CEP250: variants seen among roughly 807,000 people sequenced by gnomAD.
CEP250 encodes the protein centrosome-associated protein CEP250.
CEP250 carries 242 observed loss-of-function variants against 315.7 expected under a neutral mutation model. That is an observed-to-expected ratio of 0.77 (90% confidence interval 0.69 to 0.85). The LOEUF is 0.85. Among genes scored for constraint, CEP250 ranks in the 40% least tolerant of loss-of-function variants. The pLI is 0.00. For missense variants in CEP250, 2,515 were observed against 2,886.4 expected, an observed-to-expected ratio of 0.87 and a Z score of 2.95; for synonymous variants, 1,088 against 1,175.0, an observed-to-expected ratio of 0.93 and a Z score of 1.51.
In CEP250 at chr20:35,504,964, G is replaced by A. The variant is rs1239312298; in HGVS notation, c.6595G>A (p.Ala2199Thr). 1.2e-6 allele frequency: 2 copies of A among 1,613,570 alleles called. No individual in the cohort carries two copies. The highest frequency in any genetic ancestry group is 1.7e-6 in the Non-Finnish European group (2 of 1,179,696). ...SLQEVAMFLQ[A>T]SVLERDSEQQ... ...GCAGGAGGTAGCCATGTTCCTACAA[G>A]CCTCTGTCCTGGAGCGGGACTCAGA... is the stretch of plus-strand genomic sequence containing the variant. Residue 2199 changes from alanine to threonine, a missense_variant, in exon 30 of 35, where the codon GCC becomes ACC. Transcript: ENST00000397527.
chr20:35,469,658 G>A lies in CEP250; in HGVS notation c.852-232G>A, dbSNP rs1406089120. On this transcript the variant is annotated intron_variant, in intron 9 of 34. Coordinates refer to ENST00000397527, the MANE Select transcript of CEP250 (RefSeq NM_007186.6). The stretch of plus-strand genomic sequence containing the variant: ...GCCCCCAAACACGTGTTCCAGCCTT[G>A]AGATGTGGTAAATCCCTGCATGTGT... 2.0e-5 allele frequency among the ~76,000 whole-genome samples: 3 copies of A among 152,204 alleles called. No homozygotes were observed. In the South Asian group the frequency reaches 6.2e-4, roughly 32 times the overall value.
At chr20:35,499,693 CT>C (rs2063946575) in intron 27 of CEP250, among the ~76,000 whole-genome samples, 2 of 152,180 alleles carry the variant, frequency 1.3e-5, no homozygotes, top group African/African-American at 4.8e-5. Context: ...GCAATTCATC[CT>C]GATTTGGGAA....
At position 35,483,347 on chromosome 20, in the gene CEP250, A is replaced by T. The variant is rs866084536; in HGVS notation, c.2586+3202A>T. 2.8e-3 allele frequency among the ~76,000 whole-genome samples: 413 copies of T among 144,998 alleles called. 4 individuals are homozygous for T. The highest frequency in any genetic ancestry group is 9.9e-3 in the African/African-American group (366 of 36,874). ...AAAAAAAAAAAAAATTTTTTTTTTTAAATTTATTTTATTTTATTTTTTAGA... is the reference window on the plus strand; with the variant it reads ...AAAAAAAAAAAAAATTTTTTTTTTTTAATTTATTTTATTTTATTTTTTAGA... On this transcript the variant is annotated intron_variant, in intron 20 of 34. Coordinates refer to ENST00000397527, the MANE Select transcript of CEP250 (RefSeq NM_007186.6).
In CEP250 at chr20:35,465,128, T is replaced by G. The variant is rs1403454583; in HGVS notation, c.244-615T>G. On this transcript the variant is annotated intron_variant, in intron 5 of 34. Transcript: ENST00000397527. ...GACACTGTAGCTCCAAGAAGTTAAGTGACTTCACAGGCTGGGTGTGGTGGC... is the reference window on the plus strand; with the variant it reads ...GACACTGTAGCTCCAAGAAGTTAAGGGACTTCACAGGCTGGGTGTGGTGGC... Among the ~76,000 whole-genome samples, 3 of 151,878 alleles carry G rather than the reference T, an allele frequency of 2.0e-5. No homozygotes were observed. In the South Asian group the frequency reaches 6.2e-4, roughly 32 times the overall value.
chr20:35,490,666 G>T lies in CEP250; in HGVS notation c.2616G>T (p.Glu872Asp). 1 of 1,613,732 alleles carries T rather than the reference G, an allele frequency of 6.2e-7. No homozygotes were observed. Among genetic ancestry groups the T allele is most frequent in the Non-Finnish European group, 8.5e-7 (1 of 1,179,934 alleles). The change falls in exon 21 of 35, where the codon GAG (glutamate) becomes GAT (aspartate). Residue 872 changes from glutamate (E) to aspartate (D), a missense_variant. Glu to Asp is a conservative substitution (Grantham distance 45). Coordinates refer to ENST00000397527, the MANE Select transcript of CEP250 (RefSeq NM_007186.6). ...AGGAGCGCTCCTGGCACCAGCAGGA[G>T]CTGGCAAAGGCTCTGGAGAGCTTAG... ...WEKERSWHQQ[E>D]LAKALESLER...
At chr20:35,465,584 T>C (rs1403800463) in intron 5 of CEP250, among the ~76,000 whole-genome samples, 159 bp from the exon 6 acceptor site, 1 of 152,138 alleles carries the variant, frequency 6.6e-6, no homozygotes, top group Non-Finnish European at 1.5e-5. Context: ...CAGTTTACTT[T>C]TGGAGTGAGG....
chr20:35,493,350 C>T (rs2063749165), intron 22 of CEP250, 79 bp from the exon 23 acceptor site: 1 of 1,345,930 alleles, frequency 7.4e-7, no homozygotes, highest in Non-Finnish European at 9.9e-7. Context: ...CCTGCCTCAG[C>T]TTTTGCCACC....
intron 14 of CEP250, 60 bp downstream of exon 14, chr20:35,474,112 C>G: frequency 7.6e-7 from 1 of 1,320,470 alleles, no homozygotes; most frequent in South Asian, 1.5e-5. Context: ...CTACACCCTC[C>G]CCGTCTACTC....
chr20:35,502,842 T>C lies in CEP250; in HGVS notation c.4473T>C (p.His1491=), dbSNP rs1387072637. ...ELEKCRSVLE[H]LPMAVQEREQ... ...AGAAGTGTAGGTCTGTTTTAGAGCA[T>C]CTGCCCATGGCCGTCCAGGAGCGAG... The change falls in exon 30 of 35, where the codon CAT becomes CAC. Residue 1491 remains histidine (H), a synonymous_variant. Transcript: ENST00000397527. 3 of 1,613,736 alleles carry C rather than the reference T, an allele frequency of 1.9e-6. No individual in the cohort carries two copies. In the African/African-American group the frequency reaches 4.0e-5, roughly 22 times the overall value.
intron 14 of CEP250, chr20:35,474,682 A>G: frequency 2.3e-6 from 1 of 431,424 alleles, no homozygotes; most frequent in Non-Finnish European, 4.8e-6. Flanking sequence ...ATTCCCCTAT[A>G]TGATGTCACA....
chr20:35,474,346 T>C (rs1321444125), intron 14 of CEP250, among the ~76,000 whole-genome samples: 3 of 152,172 alleles, frequency 2.0e-5, no homozygotes, highest in Admixed American at 2.0e-4. Context: ...CACTGTGACA[T>C]GAGGCTGGAT....
chr20:35,504,559 T>C lies in CEP250; in HGVS notation c.6190T>C (p.Ser2064Pro), dbSNP rs1199802820. 6.2e-7 allele frequency: 1 copy of C among 1,613,846 alleles called. No individual in the cohort carries two copies. Among genetic ancestry groups the C allele is most frequent in the Non-Finnish European group, 8.5e-7 (1 of 1,179,904 alleles). ...QQEREQLLEK[S>P]LAQRVQENMI... ...GGAACGGGAGCAGCTGCTGGAGAAG[T>C]CTCTGGCCCAGAGGGTCCAAGAGAA... is the stretch of plus-strand genomic sequence containing the variant. The change falls in exon 30 of 35, where the codon TCT (serine) becomes CCT (proline). Residue 2064 changes from serine (S) to proline (P), a missense_variant. Ser to Pro is a moderately conservative substitution (Grantham distance 74). Transcript: ENST00000397527.
rs779776500 is a variant in CEP250, at chr20:35,477,894, G to A, written c.1887G>A (p.Val629=). The A allele has an allele frequency of 6.3e-7, 1 of 1,591,998 alleles. No individual in the cohort carries two copies. Among genetic ancestry groups the A allele is most frequent in the Non-Finnish European group, 8.6e-7 (1 of 1,169,274 alleles). The change falls in exon 17 of 35, where the codon GTG becomes GTA. Residue 629 remains valine (V), a synonymous_variant. Transcript: ENST00000397527. ...AGTTAGAGGAGGAGAACCAGTCTGT[G>A]TGCAGCAGAATGGAGGCCGCAGAGC... ...LLQLEEENQS[V]CSRMEAAEQA...
chr20:35,490,129 A>G (rs2063642808), intron 20 of CEP250, among the ~76,000 whole-genome samples: 1 of 152,162 alleles, frequency 6.6e-6, no homozygotes, highest in Admixed American at 6.5e-5. Flanking sequence ...CCTGGCCAAC[A>G]TGTTGAAACC....
intron 32 of CEP250, 64 bp downstream of exon 32, chr20:35,508,254 GCT>G: frequency 6.4e-7 from 1 of 1,560,198 alleles, no homozygotes; most frequent in Non-Finnish European, 8.8e-7. Context: ...TAGAGCATAG[GCT>G]CAGTAAATTA....
chr20:35,487,189 C>T (rs11698935), intron 20 of CEP250, among the ~76,000 whole-genome samples: 45,978 of 151,968 alleles, frequency 0.3, 7,451 homozygotes, highest in South Asian at 0.5. Context: ...CTTGGGAGGC[C>T]GCGCGTGGTG....
rs1041668197 is a variant in CEP250, at chr20:35,503,507, G to A, written c.5138G>A (p.Gly1713Glu). The change falls in exon 30 of 35, where the codon GGG (glycine) becomes GAG (glutamate). Residue 1713 changes from glycine (G) to glutamate (E), a missense_variant. Gly to Glu is a moderately conservative substitution (Grantham distance 98). Transcript: ENST00000397527. The surrounding 1 kb of genome is among the most constrained non-coding windows in gnomAD (Gnocchi z 4.2). ...RQLMQERAEE[G>E]KGPSKAQRGS... Reference sequence around the variant, plus strand: ...CTGATGCAGGAACGGGCAGAGGAAGGGAAGGGCCCAAGTAAAGCACAGCGC... The same window carrying A: ...CTGATGCAGGAACGGGCAGAGGAAGAGAAGGGCCCAAGTAAAGCACAGCGC... 7 of 1,614,008 alleles carry A rather than the reference G, an allele frequency of 4.3e-6. No homozygotes were observed. The African/African-American group carries it at 8.0e-5, about 18-fold the overall frequency.
chr20:35,504,310 G>A lies in CEP250; in HGVS notation c.5941G>A (p.Glu1981Lys). The change falls in exon 30 of 35, where the codon GAG becomes AAG. Residue 1981 changes from glutamate to lysine, a missense_variant. Physicochemically the swap from Glu to Lys is moderately conservative, Grantham distance 56 (BLOSUM62 1). Transcript: ENST00000397527. ...GKAHAALQGK[E>K]QHLLEQAELS... ...GGCTCATGCTGCCCTGCAGGGGAAA[G>A]AGCAGCATCTCCTCGAGCAGGCAGA... 1.3e-6 allele frequency: 2 copies of A among 1,589,446 alleles called. No homozygotes were observed. The highest frequency in any genetic ancestry group is 1.1e-5 in the South Asian group (1 of 87,992).
At chr20:35,457,053 A>G (rs1282153070) in intron 1 of CEP250, among the ~76,000 whole-genome samples, 1 of 152,076 alleles carries the variant, frequency 6.6e-6, no homozygotes, top group African/African-American at 2.4e-5. Flanking sequence ...AAGTGCTGGG[A>G]TTACAGTTGT....
Sources: gnomAD v4.1 joint callset for allele counts (sites outside exome capture counted in the v4.1 genomes callset) on GRCh38, gnomAD v4.1.1 for gene constraint, Gnocchi (gnomAD v3.1) non-coding constraint, MANE v1.5 for transcripts, NCBI Gene and HGNC (gene_info 2026-07-23, HGNC 2026-07-21) for gene names.